TMEM165: variants seen among roughly 807,000 people sequenced by gnomAD.
The protein encoded by TMEM165 is putative divalent cation/proton antiporter TMEM165.
In TMEM165, 19 loss-of-function variants were observed where a neutral mutation model predicts 30.0. The ratio of observed to expected loss-of-function variants is 0.63; its 90% CI spans 0.44 to 0.93. TMEM165 has a LOEUF of 0.93. Among genes scored for constraint, TMEM165 ranks in the 40% least tolerant of loss-of-function variants. The probability of loss-of-function intolerance (pLI) is 0.00; values close to 1 mark genes in which losing one functional copy is unlikely to be tolerated. For synonymous variants in TMEM165, 168 were observed against 162.9 expected (o/e 1.03, Z -0.24); for missense variants, 340 against 417.0 (o/e 0.82, Z 1.61).
At chr4:55,422,991 T>C (rs1022902269) in intron 4 of TMEM165, 1 of 152,156 alleles carries the variant, frequency 6.6e-6, no homozygotes, top group Non-Finnish European at 1.5e-5. Flanking sequence ...AGGATGGAAT[T>C]TGTAGCATAG....
intron 3 of TMEM165, among the ~76,000 whole-genome samples, chr4:55,440,875 T>TG (rs1723312116): frequency 6.6e-6 from 1 of 152,138 alleles, no homozygotes; most frequent in Admixed American, 6.5e-5. Context: ...GCTCAAGTCT[T>TG]GAAGAGTCAG....
chr4:55,450,451 G>A (rs925765936), intron 3 of TMEM165, among the ~76,000 whole-genome samples: 1 of 152,120 alleles, frequency 6.6e-6, no homozygotes, highest in African/African-American at 2.4e-5. Context: ...GAATGAAGTT[G>A]GAATCTCTTA....
At chr4:55,427,144 C>T (rs1722245337), downstream of TMEM165, among the ~76,000 whole-genome samples, 4 of 151,820 alleles carry the variant, frequency 2.6e-5, no homozygotes, top group South Asian at 8.3e-4. Context: ...AGCAGTTCTC[C>T]TGCCTCAGCC....
intron 1 of TMEM165, among the ~76,000 whole-genome samples, chr4:55,398,578 T>G (rs1720823918): frequency 1.3e-5 from 2 of 152,236 alleles, no homozygotes; most frequent in Non-Finnish European, 2.9e-5. Flanking sequence ...GAGCCTAGCT[T>G]TCTCTTTCTC....
chr4:55,414,576 G>T (rs1411090062), intron 2 of TMEM165, among the ~76,000 whole-genome samples: 2 of 152,210 alleles, frequency 1.3e-5, no homozygotes, highest in African/African-American at 2.4e-5. Flanking sequence ...CATGCACTAG[G>T]TATTGGTCCT....
At chr4:55,437,529 T>C (rs1431570513) in intron 3 of TMEM165, among the ~76,000 whole-genome samples, 1 of 152,228 alleles carries the variant, frequency 6.6e-6, no homozygotes, top group African/African-American at 2.4e-5. Context: ...TATCTGTGTC[T>C]ATATTTTGGC....
intron 1 of TMEM165, among the ~76,000 whole-genome samples, chr4:55,397,878 C>A (rs1288898407): frequency 6.6e-6 from 1 of 151,432 alleles, no homozygotes; most frequent in Admixed American, 6.6e-5. Context: ...GGACTGCATG[C>A]GTGTGCTGAC....
chr4:55,411,755 G>T lies in TMEM165; in HGVS notation c.349G>T (p.Ala117Ser). ...ATTGGGTGATAAGACATTTTTTATA[G>T]CAGCCATCATGGCAATGCGCTATAA... Reference protein sequence around the residue: ...SELGDKTFFIAAIMAMRYNRL... With the variant: ...SELGDKTFFISAIMAMRYNRL... The change falls in exon 2 of 6, where the codon GCA (alanine) becomes TCA (serine). Residue 117 changes from alanine to serine, a missense_variant. Around this residue, in one of 2 missense-constraint regions of TMEM165, gnomAD observed 220 missense variants for 307.6 expected, o/e 0.72. Transcript: ENST00000381334. 1 of 1,614,166 alleles carries T rather than the reference G, an allele frequency of 6.2e-7. No individual in the cohort carries two copies. Among genetic ancestry groups the T allele is most frequent in the Non-Finnish European group, 8.5e-7 (1 of 1,180,018 alleles).
intron 1 of TMEM165, among the ~76,000 whole-genome samples, chr4:55,409,375 T>A (rs1488822734): frequency 6.6e-6 from 1 of 152,242 alleles, no homozygotes; most frequent in East Asian, 1.9e-4. Context: ...GTTTTTACGC[T>A]GTCCAAAATT....
chr4:55,435,140 G>T, intron 3 of TMEM165: 1 of 442,616 alleles, frequency 2.3e-6, no homozygotes, highest in Non-Finnish European at 4.2e-6. Flanking sequence ...CTTAATATTT[G>T]GCAATATATT....
chr4:55,412,335 A>C (rs1317905569), intron 2 of TMEM165, among the ~76,000 whole-genome samples: 1 of 139,206 alleles, frequency 7.2e-6, no homozygotes, highest in Non-Finnish European at 1.5e-5. Context: ...CAGAGGTTGC[A>C]GTGAGCTGAG....
chr4:55,440,288 G>A lies in TMEM165; in HGVS notation c.409-11951G>A, dbSNP rs190280801. Among the ~76,000 whole-genome samples, 365 of 152,180 alleles carry A rather than the reference G, an allele frequency of 2.4e-3. 2 individuals carry two copies. The highest frequency in any genetic ancestry group is 8.4e-3 in the African/African-American group (347 of 41,518). ...TATAAATTCATCAACGCAGCATAGC[G>A]TCCTCTGTGCTAGAATTCATTAATT... On this transcript the variant is annotated intron_variant, in intron 3 of 3. Transcript: ENST00000608091.
At chr4:55,435,348 G>GT in intron 3 of TMEM165, 1 of 1,570,968 alleles carries the variant, frequency 6.4e-7, no homozygotes, top group Admixed American at 1.7e-5. Context: ...CTTTCCTCAG[G>GT]TCATCTGAGT....
intron 3 of TMEM165, chr4:55,435,084 A>G (rs1480427699): frequency 2.8e-6 from 1 of 356,176 alleles, no homozygotes; most frequent in East Asian, 6.9e-5. Flanking sequence ...TACTAACATC[A>G]TTAGTGCCTT....
intron 3 of TMEM165, chr4:55,444,481 AATC>A (rs1723627113): frequency 2.3e-6 from 2 of 866,952 alleles, no homozygotes; most frequent in Non-Finnish European, 3.7e-6. Context: ...CTGTAAGTAT[AATC>A]ATACTGAGTA....
At position 55,400,269 on chromosome 4, in the gene TMEM165, TATAATATA is replaced by T. The variant is rs1394466336; in HGVS notation, c.207+3877_207+3884del. 5.5e-5 allele frequency among the ~76,000 whole-genome samples: 6 copies of T among 108,972 alleles called. No individual in the cohort carries two copies. The East Asian group carries it at 6.5e-4, about 12-fold the overall frequency. 71.5% of individuals were successfully genotyped at this position (108,972 alleles called of 152,430 possible). On this transcript the variant is annotated intron_variant, in intron 1 of 5. Transcript: ENST00000381334. ...TATTATATTATATTAATATATAATA[TATAATATA>T]ATATTATATATTATATATAATATTA...
intron 3 of TMEM165, chr4:55,434,509 A>G (rs1204557963): frequency 6.6e-6 from 1 of 152,566 alleles, no homozygotes; most frequent in Non-Finnish European, 1.5e-5. Context: ...TGCAAATCCT[A>G]TTTTCAAACA....
chr4:55,427,653 T>TAATA (rs1459800513), downstream of TMEM165, among the ~76,000 whole-genome samples: 1 of 151,958 alleles, frequency 6.6e-6, no homozygotes, highest in Non-Finnish European at 1.5e-5. Flanking sequence ...CCGTTTTTTC[T>TAATA]AATAACAACA....
chr4:55,396,077 C>A lies in TMEM165; in HGVS notation c.-113C>A, dbSNP rs899388744. ...CGGATGGTGCTGACTGCTCCCTAAG[C>A]GGCGGCGGCGGCGAGTCGTGAGGAC... On this transcript the variant is annotated 5_prime_UTR_variant, in exon 1 of 6. Coordinates refer to ENST00000381334, the MANE Select transcript of TMEM165 (RefSeq NM_018475.5). 2.5e-5 allele frequency: 21 copies of A among 827,560 alleles called. No individual in the cohort carries two copies. The East Asian group carries it at 6.5e-4, about 26-fold the overall frequency. The allele number at this position is 827,560 out of a possible 1,614,324, so 51.3% of individuals were successfully genotyped here. A position where few individuals can be genotyped will look rare whatever the true frequency, so the allele number is the denominator to read the frequency against.
Sources: gnomAD v4.1 joint callset for allele counts (sites outside exome capture counted in the v4.1 genomes callset) on GRCh38, gnomAD v4.1.1 for gene constraint, gnomAD v4.1.1 regional missense constraint, MANE v1.5 for transcripts, NCBI Gene and HGNC (gene_info 2026-07-23, HGNC 2026-07-21) for gene names.